IGFBP3: variants seen among roughly 807,000 people sequenced by gnomAD.
IGFBP3 encodes insulin-like growth factor-binding protein 3.
IGFBP3 carries 9 observed loss-of-function variants against 28.6 expected under a neutral mutation model. That is an observed-to-expected ratio of 0.31 (90% CI 0.19 to 0.55). IGFBP3 has a LOEUF of 0.55. Ranked by LOEUF, IGFBP3 falls within the 20% of genes least tolerant of loss-of-function variation. The pLI is 0.93. For missense variants in IGFBP3, 382 were observed against 428.9 expected (o/e 0.89, Z 0.97); for synonymous variants, 185 against 188.2 (o/e 0.98, Z 0.14).
In IGFBP3 at chr7:45,913,539, T is replaced by C. The variant is rs1784571217; in HGVS notation, c.*311A>G. ...GTGGTCGGCCGCTTCGACCAACATG[T>C]GGTGAGCATTCCACGGGCGCATGAA... On this transcript the variant is annotated 3_prime_UTR_variant, in exon 5 of 5. Coordinates refer to ENST00000613132, the MANE Select transcript of IGFBP3 (RefSeq NM_000598.5). The C allele has an allele frequency of 6.6e-6, 1 of 152,168 alleles. No individual in the cohort carries two copies. Among genetic ancestry groups the C allele is most frequent in the Non-Finnish European group, 1.5e-5 (1 of 68,050 alleles). 9.4% of individuals were successfully genotyped at this position (152,168 alleles called of 1,614,324 possible). A position where few individuals can be genotyped will look rare whatever the true frequency, so the allele number is the denominator to read the frequency against.
chr7:45,920,594 C>G (rs1018299060), intron 1 of IGFBP3, 144 bp downstream of exon 1: 29 of 828,234 alleles, frequency 3.5e-5, no homozygotes, highest in African/African-American at 5.4e-5. Flanking sequence ...CTTCACCTTT[C>G]CCGGAGCGCC....
At chr7:45,914,046 G>C (rs964896016) in intron 4 of IGFBP3, 1 of 151,984 alleles carries the variant, frequency 6.6e-6, no homozygotes, top group Non-Finnish European at 1.5e-5. Flanking sequence ...CCTTAAATTA[G>C]AATTATTTTT....
Position 45,920,474 on chromosome 7 carries a change from G to A in IGFBP3, c.403+264C>T, listed in dbSNP as rs151044986. Reference sequence around the variant, plus strand: ...ATCGGTACCGCTCCCCTCAGCTCCGGAAACCTTTAACCCATTTTCACTGAA... The same window carrying A: ...ATCGGTACCGCTCCCCTCAGCTCCGAAAACCTTTAACCCATTTTCACTGAA... On this transcript the variant is annotated intron_variant, in intron 1 of 4. Transcript: ENST00000613132. 868 of 382,104 alleles carry A rather than the reference G, an allele frequency of 2.3e-3. 15 individuals are homozygous for A. In the East Asian group the frequency reaches 0.028, roughly 12 times the overall value. 23.7% of individuals were successfully genotyped at this position (382,104 alleles called of 1,614,324 possible). A position where few individuals can be genotyped will look rare whatever the true frequency, so the allele number is the denominator to read the frequency against.
Position 45,920,875 on chromosome 7 carries a change from C to A in IGFBP3, c.266G>T (p.Gly89Val). Residue 89 changes from glycine to valine, a missense_variant, in exon 1 of 5, where the codon GGC (glycine) becomes GTC (valine). Gly to Val is a moderately radical substitution (Grantham distance 109). Coordinates refer to ENST00000613132, the MANE Select transcript of IGFBP3 (RefSeq NM_000598.5). ...CGACGGCTGGCAGCGAAGGCCGGAG[C>A]CACAGCGCTCGGTGTAGATGCCGCA... is the stretch of plus-strand genomic sequence containing the variant. ...QPCGIYTERC[G>V]SGLRCQPSPD... 1 of 1,426,866 alleles carries A rather than the reference C, an allele frequency of 7.0e-7. No individual in the cohort carries two copies. Among genetic ancestry groups the A allele is most frequent in the South Asian group, 1.4e-5 (1 of 70,388 alleles). The allele number at this position is 1,426,866 out of a possible 1,614,324, so 88.4% of individuals were successfully genotyped here.
intron 1 of IGFBP3, 84 bp downstream of exon 1, chr7:45,920,654 C>G (rs1033137444): frequency 8.2e-7 from 1 of 1,218,068 alleles, no homozygotes; most frequent in Non-Finnish European, 1.0e-6. Context: ...CGGAGTCTCC[C>G]GCAGCGGCAC....
chr7:45,915,705 C>T (rs34424795), intron 3 of IGFBP3, among the ~76,000 whole-genome samples: 1,530 of 152,318 alleles, frequency 0.01, 16 homozygotes, highest in African/African-American at 0.035. Flanking sequence ...CATTCCTTTT[C>T]CAGGAATGGG....
At chr7:45,918,767 G>A (rs1784646310) in intron 1 of IGFBP3, among the ~76,000 whole-genome samples, 1 of 152,152 alleles carries the variant, frequency 6.6e-6, no homozygotes, top group South Asian at 2.1e-4. Flanking sequence ...ACTCACCAGG[G>A]CCTTAGGAAA....
rs1244490878 is a variant in IGFBP3 at position 45,913,758 on chromosome 7, C to T, written c.*92G>A. ...GTTCACCACAAACAGAAATATAAAT[C>T]GAGGCTGTAGCCAGCTGCTGGTCAT... On this transcript the variant is annotated 3_prime_UTR_variant, in exon 5 of 5. Transcript: ENST00000613132. 3 of 152,520 alleles carry T rather than the reference C, an allele frequency of 2.0e-5. No individual in the cohort carries two copies. Among genetic ancestry groups the T allele is most frequent in the African/African-American group, 4.8e-5 (2 of 41,440 alleles). 9.4% of individuals were successfully genotyped at this position (152,520 alleles called of 1,614,324 possible).
chr7:45,913,349 G>A lies in IGFBP3; in HGVS notation c.*501C>T, dbSNP rs1334282246. On this transcript the variant is annotated 3_prime_UTR_variant, in exon 5 of 5. Transcript: ENST00000613132. ...GGATCCACGCCCTTGTTTCAGAAAT[G>A]ACACCACAGAAGGCTGTGAGCTCCA... 3 of 152,282 alleles carry A rather than the reference G, an allele frequency of 2.0e-5. No individual in the cohort carries two copies. The highest frequency in any genetic ancestry group is 4.4e-5 in the Non-Finnish European group (3 of 68,096). The allele number at this position is 152,282 out of a possible 1,614,324, so 9.4% of individuals were successfully genotyped here.
In IGFBP3 at chr7:45,912,464, A is replaced by T. The variant is rs1327630318; in HGVS notation, c.*1386T>A. 1 of 152,220 alleles carries T rather than the reference A, an allele frequency of 6.6e-6. No individual in the cohort carries two copies. 9.4% of individuals were successfully genotyped at this position (152,220 alleles called of 1,614,324 possible). ...AAAAAATAAAGAAAAGCTAATAGGT[A>T]GGCAGAATGTCTTGAGACCCCTCTG... On this transcript the variant is annotated 3_prime_UTR_variant, in exon 5 of 5. Transcript: ENST00000613132.
chr7:45,920,728 G>C lies in IGFBP3; in HGVS notation c.403+10C>G. The C allele has an allele frequency of 7.2e-7, 1 of 1,394,164 alleles. No homozygotes were observed. The highest frequency in any genetic ancestry group is 1.6e-5 in the South Asian group (1 of 62,932). 86.4% of individuals were successfully genotyped at this position (1,394,164 alleles called of 1,614,324 possible). A position where few individuals can be genotyped will look rare whatever the true frequency, so the allele number is the denominator to read the frequency against. On this transcript the variant is annotated intron_variant, in intron 1 of 4. Transcript: ENST00000613132. The stretch of plus-strand genomic sequence containing the variant: ...TGCTGCACGCAGCGCACCTGGCGCG[G>C]GCGGCTCACCTGGAGCTGGCGGCGC...
chr7:45,920,518 A>G (rs1255772377), intron 1 of IGFBP3: 2 of 412,786 alleles, frequency 4.8e-6, no homozygotes, highest in Non-Finnish European at 8.4e-6. Context: ...GCAATTTACA[A>G]GTACTCTGCA....
At position 45,912,682 on chromosome 7, in the gene IGFBP3, A is replaced by AT. The variant is rs1425850832; in HGVS notation, c.*1167dup. ...TAGCATCTCTAACATTTCATCTAGGATTATCTAGTATAGATCTTACTATAT... is the reference window on the plus strand; with the variant it reads ...TAGCATCTCTAACATTTCATCTAGGATTTATCTAGTATAGATCTTACTATAT... On this transcript the variant is annotated 3_prime_UTR_variant, in exon 5 of 5. Coordinates refer to ENST00000613132, the MANE Select transcript of IGFBP3 (RefSeq NM_000598.5). 3.3e-5 allele frequency: 5 copies of AT among 152,584 alleles called. No homozygotes were observed. Among genetic ancestry groups the AT allele is most frequent in the Admixed American group, 3.3e-4 (5 of 15,276 alleles). 9.5% of individuals were successfully genotyped at this position (152,584 alleles called of 1,614,324 possible).
intron 4 of IGFBP3, 36 bp downstream of exon 4, chr7:45,914,769 C>A (rs752181315): frequency 1.2e-6 from 2 of 1,603,442 alleles, no homozygotes; most frequent in Non-Finnish European, 1.7e-6. Flanking sequence ...GACAGTGAGG[C>A]CCTGGAGCCC....
rs1039135224 is a variant in IGFBP3, at chr7:45,915,039, C to T, written c.751-94G>A. ...CGCATGATGGTTTGCCAGCGTGACTCTGCTATGCTGAGAAAGCACAACAGA... is the reference window on the plus strand; with the variant it reads ...CGCATGATGGTTTGCCAGCGTGACTTTGCTATGCTGAGAAAGCACAACAGA... On this transcript the variant is annotated intron_variant, in intron 3 of 4. Transcript: ENST00000613132. 1.1e-5 allele frequency: 16 copies of T among 1,429,516 alleles called. No individual in the cohort carries two copies. In the African/African-American group the frequency reaches 2.1e-4, roughly 19 times the overall value. The allele number at this position is 1,429,516 out of a possible 1,614,324, so 88.6% of individuals were successfully genotyped here.
At chr7:45,914,660 C>T (rs141031945) in intron 4 of IGFBP3, 145 bp downstream of exon 4, 14 of 705,806 alleles carry the variant, frequency 2.0e-5, no homozygotes, top group Non-Finnish European at 3.0e-5. Context: ...GGGCTCTGTC[C>T]TATTTGCTTT....
At position 45,917,422 on chromosome 7, in the gene IGFBP3, C is replaced by T; in HGVS notation, c.421G>A (p.Glu141Lys). ...PPAPGNASES[E>K]EDRSAGSVES... is the part of the protein sequence containing the mutation. ...ACACTGCCGGCGCTGCGGTCTTCCT[C>T]CGACTCACTAGCATTTCCTTAAAAC... The change falls in exon 2 of 5, where the codon GAG becomes AAG. Residue 141 changes from glutamate (E) to lysine (K), a missense_variant. By Grantham distance (56) the Glu-to-Lys change is moderately conservative. Transcript: ENST00000613132. The T allele has an allele frequency of 6.2e-7, 1 of 1,611,500 alleles. No individual in the cohort carries two copies. The highest frequency in any genetic ancestry group is 8.5e-7 in the Non-Finnish European group (1 of 1,178,404).
intron 2 of IGFBP3, 73 bp downstream of exon 2, chr7:45,917,140 C>A: frequency 1.6e-6 from 2 of 1,252,350 alleles, no homozygotes; most frequent in Admixed American, 1.7e-5. Context: ...GTAAGAATTG[C>A]CCTCAAGAGG....
At chr7:45,918,663 T>C (rs912555764) in intron 1 of IGFBP3, among the ~76,000 whole-genome samples, 1 of 152,214 alleles carries the variant, frequency 6.6e-6, no homozygotes, top group Non-Finnish European at 1.5e-5. Context: ...AGGTGGCCCA[T>C]CTGGTCCACA....
Sources: gnomAD v4.1 joint callset for allele counts (sites outside exome capture counted in the v4.1 genomes callset) on GRCh38, gnomAD v4.1.1 for gene constraint, MANE v1.5 for transcripts, NCBI Gene and HGNC (gene_info 2026-07-23, HGNC 2026-07-21) for gene names.